The following TEX9 variants were observed in gnomAD, a reference collection of about 807,000 sequenced individuals.
TEX9 encodes the protein testis expressed 9.
TEX9 carries 74 observed loss-of-function variants against 59.6 expected under a neutral mutation model. The observed-to-expected ratio is 1.24, with a 90% confidence interval of 1.03 to 1.51. The LOEUF (loss-of-function observed/expected upper bound fraction) is 1.51, where lower values mean the gene tolerates loss of function less well. TEX9 is among the 40% of genes most tolerant of loss of function. TEX9 has a pLI of 0.00. For missense variants in TEX9, 522 were observed against 447.8 expected, an observed-to-expected ratio of 1.17 and a Z score of -1.49; for synonymous variants, 186 against 152.2, an observed-to-expected ratio of 1.22 and a Z score of -1.64.
At chr15:56,396,066 A>G (rs1426092949) in intron 9 of TEX9, 1 of 152,146 alleles carries the variant, frequency 6.6e-6, no homozygotes, top group Admixed American at 6.5e-5. Flanking sequence ...ATCCTAGCTT[A>G]TATTAGTGTG....
intron 12 of TEX9, among the ~76,000 whole-genome samples, chr15:56,442,111 A>G (rs1048831614): frequency 1.7e-4 from 26 of 152,292 alleles, no homozygotes; most frequent in African/African-American, 5.3e-4. Flanking sequence ...ATATATATGT[A>G]GCCAACAAGC....
chr15:56,253,867 G>A (rs1300617502), intron 1 of TEX9, among the ~76,000 whole-genome samples: 2 of 152,048 alleles, frequency 1.3e-5, no homozygotes, highest in Non-Finnish European at 2.9e-5. Flanking sequence ...CCAATGTGTT[G>A]TTAAAGGCAA....
exon 6 of TEX9, chr15:56,389,393 A>T: frequency 6.2e-7 from 1 of 1,601,526 alleles, no homozygotes; most frequent in Non-Finnish European, 8.5e-7. Flanking sequence ...AAGGAAAACA[A>T]ATTCAAGGTA....
At chr15:56,451,421 G>A in the TEX9 span, among the ~76,000 whole-genome samples, 4 of 152,228 alleles carry the variant, frequency 2.6e-5, no homozygotes, top group Admixed American at 2.6e-4. Flanking sequence ...TTGCTTGATT[G>A]CAATAAACCT....
intron 1 of TEX9, among the ~76,000 whole-genome samples, chr15:56,299,123 G>A (rs766689059): frequency 1.3e-5 from 2 of 152,214 alleles, no homozygotes; most frequent in Non-Finnish European, 2.9e-5. Flanking sequence ...AAGAACTGAA[G>A]GGAGAAGGAA....
At chr15:56,277,038 G>C (rs575987997) in intron 1 of TEX9, among the ~76,000 whole-genome samples, 1 of 151,132 alleles carries the variant, frequency 6.6e-6, no homozygotes, top group African/African-American at 2.4e-5. Flanking sequence ...TTGTAAATTT[G>C]TTTAAGATCG....
intron 2 of TEX9, among the ~76,000 whole-genome samples, chr15:56,373,000 T>C (rs1284301184): frequency 3.3e-5 from 5 of 152,142 alleles, no homozygotes; most frequent in African/African-American, 1.2e-4. Flanking sequence ...TCCCCAGTTA[T>C]AGCAATACCC....
At chr15:56,268,302 T>C (rs2044438646) in intron 1 of TEX9, among the ~76,000 whole-genome samples, 1 of 152,190 alleles carries the variant, frequency 6.6e-6, no homozygotes, top group African/African-American at 2.4e-5. Context: ...TTTTCCTAAT[T>C]GAATACCCTT....
upstream of TEX9, among the ~76,000 whole-genome samples, chr15:56,362,480 A>G (rs1346800670): frequency 2.0e-5 from 3 of 152,194 alleles, no homozygotes; most frequent in Non-Finnish European, 4.4e-5. Context: ...CCTTTTGATT[A>G]GTGCTAGCAT....
intron 2 of TEX9, among the ~76,000 whole-genome samples, chr15:56,370,578 G>A (rs2142002652): frequency 6.6e-6 from 1 of 152,282 alleles, no homozygotes; most frequent in South Asian, 2.1e-4. Flanking sequence ...TATATTGTCT[G>A]TTGGTAATAT....
chr15:56,455,662 A>G, the TEX9 span, among the ~76,000 whole-genome samples: 8,794 of 152,254 alleles, frequency 0.058, 656 homozygotes, highest in East Asian at 0.37. Flanking sequence ...ATTCGATCTT[A>G]GGCAGGATCA....
rs538408627 is a variant in TEX9 at position 56,430,771 on chromosome 15, G to C, written c.*29+2298G>C. Among the ~76,000 whole-genome samples, 5 of 152,256 alleles carry C rather than the reference G, an allele frequency of 3.3e-5. No individual in the cohort carries two copies. The South Asian group carries it at 1.0e-3, about 32-fold the overall frequency. On this transcript the variant is annotated intron_variant, in intron 12 of 12. Transcript: ENST00000352903. ...CATGTGCCTATTACTGGTGTTACCA[G>C]TGACAATGTTTTCATACACATTCTC...
chr15:56,384,155 G>A, intron 4 of TEX9, 124 bp downstream of exon 4: 1 of 660,588 alleles, frequency 1.5e-6, no homozygotes, highest in Non-Finnish European at 2.5e-6. Flanking sequence ...TATATAGGGG[G>A]CTTATACCAA....
chr15:56,244,466 T>C lies in TEX9; in HGVS notation c.-107+188T>C, dbSNP rs531336296. Among the ~76,000 whole-genome samples the C allele has an allele frequency of 1.9e-3, 290 of 151,966 alleles. 5 individuals carry two copies. Among genetic ancestry groups the C allele is most frequent in the Admixed American group, 0.018 (277 of 15,260 alleles). ...AACTATCCAATCATAGCGGCCTCCA[T>C]CCCCCTGCAAGAACTCCCGGCTCCA... On this transcript the variant is annotated intron_variant, in intron 1 of 5. Transcript: ENST00000560827.
chr15:56,337,310 C>A (rs1319464332), intron 1 of TEX9, among the ~76,000 whole-genome samples: 1 of 152,146 alleles, frequency 6.6e-6, no homozygotes, highest in East Asian at 1.9e-4. Context: ...AGGGGTCTGA[C>A]CCTCTAGTTA....
At position 56,269,718 on chromosome 15, in the gene TEX9, T is replaced by C. The variant is rs188468304; in HGVS notation, c.-107+25440T>C. 8.4e-4 allele frequency among the ~76,000 whole-genome samples: 127 copies of C among 151,132 alleles called. 2 individuals are homozygous for C. The highest frequency in any genetic ancestry group is 3.3e-3 in the South Asian group (16 of 4,784). On this transcript the variant is annotated intron_variant, in intron 1 of 5. Transcript: ENST00000560827. ...CCCAGGCTGGAGTACAGAGGTGTGATGTCGGCTCACTGCAAGCTCTGCCTC... is the reference window on the plus strand; with the variant it reads ...CCCAGGCTGGAGTACAGAGGTGTGACGTCGGCTCACTGCAAGCTCTGCCTC...
At chr15:56,317,963 T>G (rs1017070669) in intron 1 of TEX9, among the ~76,000 whole-genome samples, 24 of 152,166 alleles carry the variant, frequency 1.6e-4, no homozygotes, top group Non-Finnish European at 2.8e-4. Context: ...TATCACTGTT[T>G]GAGGTGGAAT....
At chr15:56,265,945 C>G (rs1013322728) in intron 1 of TEX9, among the ~76,000 whole-genome samples, 1 of 152,042 alleles carries the variant, frequency 6.6e-6, no homozygotes, top group African/African-American at 2.4e-5. Context: ...TTCAAAAGAC[C>G]TTTTGATATG....
chr15:56,361,099 G>T (rs1018786895), upstream of TEX9, among the ~76,000 whole-genome samples: 4 of 152,150 alleles, frequency 2.6e-5, no homozygotes, highest in Admixed American at 6.5e-5. Context: ...AAATAACACA[G>T]AACAGGTTAC....
Sources: gnomAD v4.1 joint callset for allele counts (sites outside exome capture counted in the v4.1 genomes callset) on GRCh38, gnomAD v4.1.1 for gene constraint, MANE v1.5 for transcripts, NCBI Gene and HGNC (gene_info 2026-07-23, HGNC 2026-07-21) for gene names.